MAMDC2: variants seen among roughly 807,000 people sequenced by gnomAD.
MAMDC2 encodes the protein MAM domain containing 2.
Under a neutral mutation model 89.8 loss-of-function variants are expected in MAMDC2, and 57 were observed. That is an observed-to-expected ratio of 0.63 (90% confidence interval 0.51 to 0.79). MAMDC2 has a LOEUF of 0.79. MAMDC2 is among the 30% of genes least tolerant of loss of function. The pLI, the probability that MAMDC2 is intolerant of heterozygous loss-of-function variation, is 0.00. For synonymous variants in MAMDC2, 313 were observed against 293.4 expected (o/e 1.07, Z -0.68); for missense variants, 800 against 820.6 (o/e 0.97, Z 0.31).
intron 5 of MAMDC2, among the ~76,000 whole-genome samples, chr9:70,123,321 C>T (rs541349343): frequency 8.5e-4 from 130 of 152,236 alleles, no homozygotes; most frequent in African/African-American, 3.1e-3. Flanking sequence ...AGAATGTTCT[C>T]GTCAAGGCTT....
At chr9:70,069,751 G>T (rs745941652) in intron 2 of MAMDC2, among the ~76,000 whole-genome samples, 1 of 152,134 alleles carries the variant, frequency 6.6e-6, no homozygotes, top group Non-Finnish European at 1.5e-5. Context: ...GAATGGCTTT[G>T]CTTTCTGGAA....
At chr9:70,090,341 T>C (rs1295993734) in intron 2 of MAMDC2, among the ~76,000 whole-genome samples, 3 of 151,808 alleles carry the variant, frequency 2.0e-5, no homozygotes, top group Admixed American at 6.6e-5. Context: ...AAAATTGGCC[T>C]GGTGTGGTGG....
chr9:70,125,219 T>C (rs1334033755), intron 5 of MAMDC2, among the ~76,000 whole-genome samples: 1 of 152,234 alleles, frequency 6.6e-6, no homozygotes, highest in Admixed American at 6.5e-5. Flanking sequence ...GGTTCTAGAA[T>C]TGTGAATGGC....
intron 11 of MAMDC2, among the ~76,000 whole-genome samples, chr9:70,171,421 G>A (rs762060091): frequency 6.6e-6 from 1 of 151,976 alleles, no homozygotes; most frequent in Non-Finnish European, 1.5e-5. Context: ...GATTGCTTGA[G>A]CCCAGGAGGT....
Position 70,157,476 on chromosome 9 carries a change from T to C in MAMDC2, c.1405-11226T>C, listed in dbSNP as rs2031803997. 3 of 152,464 alleles carry C rather than the reference T, an allele frequency of 2.0e-5. No homozygotes were observed. The East Asian group carries it at 5.8e-4, about 29-fold the overall frequency. The allele number at this position is 152,464 out of a possible 1,614,324, so 9.4% of individuals were successfully genotyped here. On this transcript the variant is annotated intron_variant, in intron 9 of 13. Transcript: ENST00000377182. ...TCCCTCCTCCTCTTATATGTCTTTC[T>C]CTGGATATTTTCTGCACTATCTGTT...
intron 2 of MAMDC2, among the ~76,000 whole-genome samples, chr9:70,099,275 T>C (rs1481291858): frequency 1.3e-5 from 2 of 152,222 alleles, no homozygotes; most frequent in Non-Finnish European, 2.9e-5. Flanking sequence ...CTATATTATT[T>C]ATTTTCTAAT....
rs548077093 is a variant in MAMDC2, at chr9:70,090,354, C to T, written c.149-17857C>T. ...TAAAAATTGGCCTGGTGTGGTGGCTCATGCCTGCAGCTACAGCTACTTGGA... is the reference window on the plus strand; with the variant it reads ...TAAAAATTGGCCTGGTGTGGTGGCTTATGCCTGCAGCTACAGCTACTTGGA... On this transcript the variant is annotated intron_variant, in intron 2 of 13. Coordinates refer to ENST00000377182, the MANE Select transcript of MAMDC2 (RefSeq NM_153267.5). Among the ~76,000 whole-genome samples the T allele has an allele frequency of 1.3e-4, 19 of 151,902 alleles. No homozygotes were observed. The South Asian group carries it at 3.8e-3, about 30-fold the overall frequency.
At chr9:70,126,574 T>A (rs948230536) in intron 6 of MAMDC2, among the ~76,000 whole-genome samples, 159 bp downstream of exon 6, 4 of 152,198 alleles carry the variant, frequency 2.6e-5, no homozygotes, top group African/African-American at 9.7e-5. Flanking sequence ...CCTCTCCTGC[T>A]CTCCCTTCCT....
At chr9:70,055,836 G>T (rs1397279403) in intron 2 of MAMDC2, among the ~76,000 whole-genome samples, 2 of 152,170 alleles carry the variant, frequency 1.3e-5, no homozygotes, top group Non-Finnish European at 2.9e-5. Context: ...CAGTCTTAAG[G>T]AGTATTCCTA....
In MAMDC2 at chr9:70,065,311, G is replaced by A. The variant is rs111274128; in HGVS notation, c.148+20614G>A. ...CTATTTATGTTGCACAAAATGTCACGGATTAAAATAAAATATATTCCAGCT... is the reference window on the plus strand; with the variant it reads ...CTATTTATGTTGCACAAAATGTCACAGATTAAAATAAAATATATTCCAGCT... On this transcript the variant is annotated intron_variant, in intron 2 of 13. Transcript: ENST00000377182. 4.2e-3 allele frequency among the ~76,000 whole-genome samples: 641 copies of A among 152,158 alleles called. 3 individuals carry two copies. Among genetic ancestry groups the A allele is most frequent in the Non-Finnish European group, 6.5e-3 (442 of 68,004 alleles).
chr9:70,207,744 CTAGGGTTTT>C (rs2033257077), intron 11 of MAMDC2, among the ~76,000 whole-genome samples: 1 of 152,134 alleles, frequency 6.6e-6, no homozygotes, highest in Admixed American at 6.5e-5. Context: ...AGGTTTTCTT[CTAGGGTTTT>C]TATGGTTTTA....
intron 2 of MAMDC2, among the ~76,000 whole-genome samples, chr9:70,102,949 T>G (rs555387562): frequency 2.6e-5 from 4 of 152,348 alleles, no homozygotes; most frequent in African/African-American, 7.2e-5. Context: ...TTTGCCTTTT[T>G]CTCATTTGTT....
chr9:70,148,773 T>C (rs1313152428), intron 9 of MAMDC2, among the ~76,000 whole-genome samples: 1 of 149,840 alleles, frequency 6.7e-6, no homozygotes, highest in Admixed American at 6.7e-5. Flanking sequence ...CTCACGCCTG[T>C]AATCCCAGCA....
At chr9:70,071,407 G>A (rs1320893610) in intron 2 of MAMDC2, among the ~76,000 whole-genome samples, 2 of 152,146 alleles carry the variant, frequency 1.3e-5, no homozygotes, top group African/African-American at 4.8e-5. Flanking sequence ...TGAATCATAA[G>A]TCTAGGGTTT....
chr9:70,179,844 G>GA (rs1485194504), intron 11 of MAMDC2, among the ~76,000 whole-genome samples: 1 of 132,174 alleles, frequency 7.6e-6, no homozygotes, highest in Non-Finnish European at 1.6e-5. Flanking sequence ...GAAAATGCAA[G>GA]AAAAAAAGGA....
intron 10 of MAMDC2, 144 bp downstream of exon 10, chr9:70,168,939 G>T (rs937692918): frequency 7.7e-6 from 5 of 649,550 alleles, no homozygotes; most frequent in African/African-American, 1.8e-5. Flanking sequence ...TGTGTAGCAG[G>T]CTTTGAAATT....
chr9:70,092,289 C>A (rs1009411505), intron 2 of MAMDC2: 1 of 152,122 alleles, frequency 6.6e-6, no homozygotes, highest in African/African-American at 2.4e-5. Flanking sequence ...ACCAAGGCCT[C>A]CCTCAGTGAT....
intron 2 of MAMDC2, among the ~76,000 whole-genome samples, chr9:70,052,307 T>C (rs752310485): frequency 6.6e-6 from 1 of 152,226 alleles, no homozygotes; most frequent in Non-Finnish European, 1.5e-5. Context: ...TGCTCCAAAT[T>C]ACATTTCTCC....
chr9:70,180,497 C>A (rs2032622991), intron 11 of MAMDC2, among the ~76,000 whole-genome samples: 1 of 150,568 alleles, frequency 6.6e-6, no homozygotes, highest in African/African-American at 2.4e-5. Context: ...AAAAGCATTC[C>A]TATTTTTCCA....
Sources: allele counts gnomAD v4.1 joint callset (sites outside exome capture counted in the v4.1 genomes callset), GRCh38; gene constraint gnomAD v4.1.1; transcripts MANE v1.5; gene names NCBI Gene and HGNC (gene_info 2026-07-23, HGNC 2026-07-21).